Variants in CBFA2T2 observed in about 807,000 individuals in gnomAD.
CBFA2T2 encodes the protein CBFA2/RUNX1 partner transcriptional co-repressor 2.
CBFA2T2 carries 11 observed loss-of-function variants against 62.2 expected under a neutral mutation model. The observed-to-expected ratio is 0.18, with a 90% CI of 0.11 to 0.29. CBFA2T2 has a LOEUF of 0.29. Ranked by LOEUF, CBFA2T2 falls within the 10% of genes least tolerant of loss-of-function variation. CBFA2T2 has a pLI of 1.00. For missense variants in CBFA2T2, 592 were observed against 774.1 expected (o/e 0.76, Z 2.79); for synonymous variants, 295 against 287.5 (o/e 1.03, Z -0.27).
At chr20:33,574,034 C>T in intron 1 of CBFA2T2, 2 of 1,284,806 alleles carry the variant, frequency 1.6e-6, no homozygotes, top group South Asian at 3.0e-5. Context: ...AGCGATCTTC[C>T]CATGTTGGCT....
At chr20:33,526,604 A>T (rs978214466) in intron 1 of CBFA2T2, among the ~76,000 whole-genome samples, 2 of 152,196 alleles carry the variant, frequency 1.3e-5, no homozygotes, top group Non-Finnish European at 2.9e-5. Context: ...AGCAATGAAT[A>T]CATTTATTTT....
chr20:33,494,261 A>G (rs1339705958), intron 1 of CBFA2T2, among the ~76,000 whole-genome samples: 5 of 70,678 alleles, frequency 7.1e-5, no homozygotes, highest in African/African-American at 3.2e-4. Flanking sequence ...ATATATATAT[A>G]TATATATATA....
At chr20:33,500,613 G>A (rs1392748419) in intron 1 of CBFA2T2, among the ~76,000 whole-genome samples, 1 of 152,048 alleles carries the variant, frequency 6.6e-6, no homozygotes, top group Admixed American at 6.6e-5. Flanking sequence ...GGAGGCTGAG[G>A]TGGGAGAATC....
chr20:33,608,961 T>C (rs138885980), intron 2 of CBFA2T2, among the ~76,000 whole-genome samples: 1 of 152,282 alleles, frequency 6.6e-6, no homozygotes, highest in African/African-American at 2.4e-5. Context: ...GTGTTCAACT[T>C]TCCTTTCATT....
At chr20:33,617,472 G>A (rs2122316658) in intron 3 of CBFA2T2, among the ~76,000 whole-genome samples, 1 of 152,326 alleles carries the variant, frequency 6.6e-6, no homozygotes, top group African/African-American at 2.4e-5. Context: ...TATCCACTAT[G>A]TATGTAAACC....
intron 1 of CBFA2T2, among the ~76,000 whole-genome samples, chr20:33,550,608 G>GTTAGTTAT (rs1555834284): frequency 6.7e-6 from 1 of 150,084 alleles, no homozygotes; most frequent in Non-Finnish European, 1.5e-5. Context: ...TACTAATGTG[G>GTTAGTTAT]TTATTTATTT....
chr20:33,510,203 CT>C (rs1297578531), intron 1 of CBFA2T2, among the ~76,000 whole-genome samples: 14 of 150,690 alleles, frequency 9.3e-5, no homozygotes, highest in African/African-American at 3.2e-4. Context: ...GCCACTTTTT[CT>C]TTTTTTCTTG....
chr20:33,529,771 A>T (rs867600251), intron 1 of CBFA2T2, among the ~76,000 whole-genome samples: 9 of 28,556 alleles, frequency 3.2e-4, no homozygotes, highest in African/African-American at 3.6e-4. Context: ...ATATATATAT[A>T]TATATATATA....
At chr20:33,641,011 G>C (rs1177201577) in intron 10 of CBFA2T2, among the ~76,000 whole-genome samples, 1 of 151,972 alleles carries the variant, frequency 6.6e-6, no homozygotes, top group African/African-American at 2.4e-5. Flanking sequence ...ACAGGAGTAA[G>C]AAAGTGCAGG....
chr20:33,627,505 G>A (rs1295646782), intron 6 of CBFA2T2, among the ~76,000 whole-genome samples: 4 of 152,106 alleles, frequency 2.6e-5, no homozygotes, highest in Non-Finnish European at 5.9e-5. Context: ...TTTGACTTGA[G>A]AAAGAAGTAT....
chr20:33,526,831 T>G (rs945791103), intron 1 of CBFA2T2, among the ~76,000 whole-genome samples: 1 of 152,202 alleles, frequency 6.6e-6, no homozygotes, highest in African/African-American at 2.4e-5. Context: ...GTTAGCAGTT[T>G]GTGTGGTTGG....
chr20:33,610,973 C>A, intron 2 of CBFA2T2, 121 bp from the exon 3 acceptor site: 1 of 1,246,520 alleles, frequency 8.0e-7, no homozygotes, highest in Non-Finnish European at 1.1e-6. Context: ...GTTTTGCATA[C>A]CTTTATAACA....
Position 33,629,723 on chromosome 20 carries a change from T to C in CBFA2T2, c.1037T>C (p.Leu346Pro). The change falls in exon 8 of 11, where the codon CTG becomes CCG. Residue 346 changes from leucine (L) to proline (P), a missense_variant. Leu to Pro is a moderately conservative substitution (Grantham distance 98). Transcript: ENST00000342704. Reference sequence around the variant, plus strand: ...CTGGCCCCCTCTGTGACTCAGGCGCTGAATTGCATTATGGAAATGGTAGAG... The same window carrying C: ...CTGGCCCCCTCTGTGACTCAGGCGCCGAATTGCATTATGGAAATGGTAGAG... ...ADEWKHLDHA[L>P]NCIMEMVEKT... 1 of 1,612,372 alleles carries C rather than the reference T, an allele frequency of 6.2e-7. No homozygotes were observed. The highest frequency in any genetic ancestry group is 8.5e-7 in the Non-Finnish European group (1 of 1,179,292).
At chr20:33,566,660 G>A (rs761355691) in intron 1 of CBFA2T2, among the ~76,000 whole-genome samples, 19 of 152,030 alleles carry the variant, frequency 1.2e-4, no homozygotes, top group Non-Finnish European at 1.5e-4. Context: ...CCAACTGTAG[G>A]AATCAGAGAA....
At chr20:33,618,085 C>T (rs2122318185) in intron 3 of CBFA2T2, among the ~76,000 whole-genome samples, 1 of 151,976 alleles carries the variant, frequency 6.6e-6, no homozygotes, top group South Asian at 2.1e-4. Flanking sequence ...GCGTACAAAT[C>T]TGCTCTACCC....
At chr20:33,500,221 G>C (rs1453153769) in intron 1 of CBFA2T2, among the ~76,000 whole-genome samples, 2 of 151,958 alleles carry the variant, frequency 1.3e-5, no homozygotes, top group Admixed American at 1.3e-4. Flanking sequence ...TCCCAAAGTG[G>C]TGGGATTATA....
At chr20:33,491,993 C>G (rs2146839323) in intron 1 of CBFA2T2, among the ~76,000 whole-genome samples, 1 of 152,120 alleles carries the variant, frequency 6.6e-6, no homozygotes, top group South Asian at 2.1e-4. Context: ...AGCGATTCTC[C>G]TGCATCAGCC....
intron 3 of CBFA2T2, among the ~76,000 whole-genome samples, chr20:33,616,085 A>G (rs1160022506): frequency 8.5e-6 from 1 of 117,674 alleles, no homozygotes; most frequent in Non-Finnish European, 1.8e-5. Context: ...ATAGAGATAG[A>G]TAGATAGATA....
At chr20:33,536,702 G>A (rs1345680378) in intron 1 of CBFA2T2, among the ~76,000 whole-genome samples, 11 of 151,784 alleles carry the variant, frequency 7.2e-5, no homozygotes, top group South Asian at 4.2e-4. Flanking sequence ...AGACGGGGTC[G>A]CAGCCGGGTG....
Sources: gnomAD v4.1 joint callset for allele counts (sites outside exome capture counted in the v4.1 genomes callset) on GRCh38, gnomAD v4.1.1 for gene constraint, MANE v1.5 for transcripts, NCBI Gene and HGNC (gene_info 2026-07-23, HGNC 2026-07-21) for gene names.